R3HCC1L: variants seen among roughly 807,000 people sequenced by gnomAD.
The protein encoded by R3HCC1L is R3H domain and coiled-coil containing 1 like.
In R3HCC1L, 51 loss-of-function variants were observed where a neutral mutation model predicts 59.9. That is an observed-to-expected ratio of 0.85 (90% CI 0.68 to 1.07). The LOEUF is 1.07. Ranked by LOEUF, R3HCC1L falls within the 50% of genes least tolerant of loss-of-function variation. The pLI is 0.00. For synonymous variants in R3HCC1L, 322 were observed against 315.2 expected (o/e 1.02, Z -0.23); for missense variants, 965 against 933.0 (o/e 1.03, Z -0.45).
intron 1 of R3HCC1L, among the ~76,000 whole-genome samples, chr10:98,155,194 G>T (rs1361677408): frequency 1.3e-5 from 2 of 152,236 alleles, no homozygotes; most frequent in East Asian, 3.9e-4. Context: ...TCTCACTGCT[G>T]TTAATTATAC....
intron 1 of R3HCC1L, 62 bp from the exon 2 acceptor site, chr10:98,156,031 C>T (rs1329796613): frequency 6.6e-6 from 1 of 151,758 alleles, no homozygotes; most frequent in East Asian, 1.9e-4. Flanking sequence ...CAAGGTCAAT[C>T]ACAGTAATCT....
rs1354680280 is a variant in R3HCC1L, at chr10:98,231,685, T to C, written c.1959T>C (p.Tyr653=). 1 of 1,604,652 alleles carries C rather than the reference T, an allele frequency of 6.2e-7. No individual in the cohort carries two copies. Among genetic ancestry groups the C allele is most frequent in the Non-Finnish European group, 8.5e-7 (1 of 1,173,976 alleles). The part of the protein sequence containing the change: ...TEDLLRVFCS[Y]QKKGFDIKWV... ...ACCTTCTACGGGTTTTCTGCAGTTATCAGTGAGTATGCAAATGATTGTGGA... is the reference window on the plus strand; with the variant it reads ...ACCTTCTACGGGTTTTCTGCAGTTACCAGTGAGTATGCAAATGATTGTGGA... The change falls in exon 6 of 10, where the codon TAT becomes TAC. Residue 653 remains tyrosine, a splice_region_variant and synonymous_variant. Coordinates refer to ENST00000298999, the MANE Select transcript of R3HCC1L (RefSeq NM_001351015.2).
chr10:98,161,489 T>C (rs182917628), intron 2 of R3HCC1L, among the ~76,000 whole-genome samples: 118 of 152,260 alleles, frequency 7.7e-4, no homozygotes, highest in African/African-American at 2.7e-3. Context: ...TATGAATGTT[T>C]AGACCTTTAT....
At chr10:98,223,602 G>A (rs909635550) in intron 5 of R3HCC1L, among the ~76,000 whole-genome samples, 2 of 151,864 alleles carry the variant, frequency 1.3e-5, no homozygotes, top group African/African-American at 4.8e-5. Flanking sequence ...TTCTGGGTGG[G>A]TAAAGTAGCA....
chr10:98,225,176 A>G (rs1303150872), intron 5 of R3HCC1L, among the ~76,000 whole-genome samples: 2 of 152,194 alleles, frequency 1.3e-5, no homozygotes, highest in Non-Finnish European at 1.5e-5. Context: ...CAGCTACTGT[A>G]TTGGACAGTT....
In R3HCC1L at chr10:98,176,824, T is replaced by C. The variant is rs138967840; in HGVS notation, c.-15+13427T>C. On this transcript the variant is annotated intron_variant, in intron 4 of 9. Coordinates refer to ENST00000298999, the MANE Select transcript of R3HCC1L (RefSeq NM_001351015.2). Reference sequence around the variant, plus strand: ...ATTTGGTTCTTCATCAAGTATAATATAAACTATAGGTTTTTATTGCTCTGC... The same window carrying C: ...ATTTGGTTCTTCATCAAGTATAATACAAACTATAGGTTTTTATTGCTCTGC... 2.2e-3 allele frequency among the ~76,000 whole-genome samples: 332 copies of C among 152,188 alleles called. 2 individuals are homozygous for C. The highest frequency in any genetic ancestry group is 7.6e-3 in the African/African-American group (316 of 41,496).
At chr10:98,176,560 T>A (rs1231540540) in intron 4 of R3HCC1L, among the ~76,000 whole-genome samples, 1 of 152,238 alleles carries the variant, frequency 6.6e-6, no homozygotes, top group Non-Finnish European at 1.5e-5. Flanking sequence ...ACTGCTTGTA[T>A]CCTCATAACC....
intron 4 of R3HCC1L, among the ~76,000 whole-genome samples, chr10:98,195,304 A>G (rs1339933056): frequency 6.6e-6 from 1 of 152,192 alleles, no homozygotes; most frequent in African/African-American, 2.4e-5. Flanking sequence ...GTGGTTGCCA[A>G]GGAAATGAGG....
At chr10:98,193,997 T>C (rs1182186474) in intron 4 of R3HCC1L, among the ~76,000 whole-genome samples, 3 of 152,136 alleles carry the variant, frequency 2.0e-5, no homozygotes, top group East Asian at 1.9e-4. Flanking sequence ...AAAATTCATA[T>C]GGAATCTCAA....
intron 5 of R3HCC1L, among the ~76,000 whole-genome samples, chr10:98,220,745 A>G (rs920107029): frequency 3.3e-5 from 5 of 151,908 alleles, no homozygotes; most frequent in African/African-American, 4.8e-5. Flanking sequence ...TCCATGGTGT[A>G]TATGTGCCAC....
chr10:98,174,982 G>A (rs185359579), intron 4 of R3HCC1L, among the ~76,000 whole-genome samples: 1 of 152,220 alleles, frequency 6.6e-6, no homozygotes, highest in Admixed American at 6.5e-5. Flanking sequence ...GTATCTACCC[G>A]AGTGCAGTGC....
At chr10:98,191,985 T>C (rs4917804) in intron 4 of R3HCC1L, among the ~76,000 whole-genome samples, 145,825 of 152,160 alleles carry the variant, frequency 0.96, 70,171 homozygotes, top group East Asian at 1. Flanking sequence ...CCACCACGCC[T>C]GGCTAATTTT....
intron 4 of R3HCC1L, among the ~76,000 whole-genome samples, chr10:98,189,875 G>T (rs1323063788): frequency 6.6e-6 from 1 of 152,084 alleles, no homozygotes; most frequent in Admixed American, 6.6e-5. Context: ...TGTTTGTGTT[G>T]AATCTCTTTT....
At chr10:98,198,772 T>C (rs919227228) in intron 4 of R3HCC1L, among the ~76,000 whole-genome samples, 1 of 152,166 alleles carries the variant, frequency 6.6e-6, no homozygotes, top group Non-Finnish European at 1.5e-5. Flanking sequence ...TGTGTTCCCA[T>C]GCTGCTGAAG....
intron 4 of R3HCC1L, among the ~76,000 whole-genome samples, chr10:98,184,278 CACAA>C (rs1363475883): frequency 2.6e-5 from 4 of 152,142 alleles, no homozygotes; most frequent in Non-Finnish European, 5.9e-5. Flanking sequence ...GCTCTTTGCT[CACAA>C]ACAGTCATGC....
At position 98,208,559 on chromosome 10, in the gene R3HCC1L, G is replaced by A. The variant is rs1191313935; in HGVS notation, c.445G>A (p.Glu149Lys). Residue 149 changes from glutamate (E) to lysine (K), a missense_variant, in exon 5 of 10, where the codon GAA (glutamate) becomes AAA (lysine). Transcript: ENST00000298999. ...HFKPKKVECL[E>K]VETTDVTGHE... The stretch of plus-strand genomic sequence containing the variant: ...TAAACCAAAGAAGGTGGAGTGTTTG[G>A]AAGTTGAAACTACGGATGTGACAGG... 1 of 1,614,024 alleles carries A rather than the reference G, an allele frequency of 6.2e-7. No individual in the cohort carries two copies. The highest frequency in any genetic ancestry group is 8.5e-7 in the Non-Finnish European group (1 of 1,180,030).
chr10:98,149,503 G>A (rs546126450), intron 1 of R3HCC1L, among the ~76,000 whole-genome samples: 116 of 152,000 alleles, frequency 7.6e-4, no homozygotes, highest in African/African-American at 2.0e-3. Context: ...CCCTCTTACC[G>A]CTGCTTTTGC....
Position 98,167,602 on chromosome 10 carries a change from A to G in R3HCC1L, c.-15+4205A>G, listed in dbSNP as rs572464451. Among the ~76,000 whole-genome samples the G allele has an allele frequency of 7.9e-5, 12 of 152,392 alleles. No homozygotes were observed. In the East Asian group the frequency reaches 2.3e-3, roughly 29 times the overall value. Reference sequence around the variant, plus strand: ...ACAATGAACCTTTGGCTGTAGCCAGACTAGCATTCTGGGCTATGCATTTTT... The same window carrying G: ...ACAATGAACCTTTGGCTGTAGCCAGGCTAGCATTCTGGGCTATGCATTTTT... On this transcript the variant is annotated intron_variant, in intron 4 of 9. Transcript: ENST00000298999.
chr10:98,233,112 G>T (rs1856566595), intron 6 of R3HCC1L, among the ~76,000 whole-genome samples: 1 of 152,086 alleles, frequency 6.6e-6, no homozygotes, highest in African/African-American at 2.4e-5. Context: ...TTTAAAAGCA[G>T]TCAGAGGGAT....
Sources: gnomAD v4.1 joint callset for allele counts (sites outside exome capture counted in the v4.1 genomes callset) on GRCh38, gnomAD v4.1.1 for gene constraint, MANE v1.5 for transcripts, NCBI Gene and HGNC (gene_info 2026-07-23, HGNC 2026-07-21) for gene names.